PTPRD: variants seen among roughly 807,000 people sequenced by gnomAD.
PTPRD encodes the protein receptor-type tyrosine-protein phosphatase delta.
Under a neutral mutation model 214.5 loss-of-function variants are expected in PTPRD, and 34 were observed. The observed-to-expected ratio is 0.16, with a 90% CI of 0.12 to 0.21. PTPRD has a LOEUF of 0.21. PTPRD is among the 10% of genes least tolerant of loss of function. The pLI is 1.00. For synonymous variants in PTPRD, 1,128 were observed against 845.7 expected (o/e 1.33, Z -5.79); for missense variants, 2,545 against 2,398.7 (o/e 1.06, Z -1.27).
intron 9 of PTPRD, among the ~76,000 whole-genome samples, chr9:9,287,428 A>G (rs926640772): frequency 1.2e-4 from 18 of 152,008 alleles, no homozygotes; most frequent in African/African-American, 4.3e-4. Context: ...AAGTTTGCAG[A>G]TTACCAGATT....
chr9:8,388,324 T>C (rs566146925), intron 37 of PTPRD, among the ~76,000 whole-genome samples: 78 of 152,260 alleles, frequency 5.1e-4, no homozygotes, highest in African/African-American at 1.8e-3. Flanking sequence ...CTTCTAAATA[T>C]CCTTTTTGAG....
At chr9:10,192,830 G>A (rs146355691) in intron 3 of PTPRD, among the ~76,000 whole-genome samples, 1,677 of 152,170 alleles carry the variant, frequency 0.011, 35 homozygotes, top group African/African-American at 0.038. Context: ...AATCACAAGA[G>A]CAAAACGGTA....
chr9:8,965,692 GC>G (rs1052440302), intron 11 of PTPRD, among the ~76,000 whole-genome samples: 3 of 152,048 alleles, frequency 2.0e-5, no homozygotes, highest in African/African-American at 7.2e-5. Context: ...TACCAAATGG[GC>G]AAAAACTGGA....
chr9:10,235,512 G>T (rs1007152058), intron 3 of PTPRD, among the ~76,000 whole-genome samples: 4 of 151,932 alleles, frequency 2.6e-5, no homozygotes, highest in Non-Finnish European at 5.9e-5. Context: ...ACATATTGTG[G>T]ACAGATTTAA....
rs59065058 is a variant in PTPRD, at chr9:9,808,950, A to ATT, written c.-367-42101_-367-42100dup. On this transcript the variant is annotated intron_variant, in intron 5 of 45. Transcript: ENST00000381196. ...AATGCCTGGCTAATTTTTATTTTGT[A>ATT]TTTTTTTTTTTTTTTTGTAGAAACA... Among the ~76,000 whole-genome samples, 396 of 142,324 alleles carry ATT rather than the reference A, an allele frequency of 2.8e-3. 3 individuals carry two copies. The highest frequency in any genetic ancestry group is 9.4e-3 in the African/African-American group (369 of 39,154). 93.4% of individuals were successfully genotyped at this position (142,324 alleles called of 152,430 possible).
intron 8 of PTPRD, among the ~76,000 whole-genome samples, chr9:9,505,016 GGAACTAGTAGTC>G (rs2096537389): frequency 6.6e-6 from 1 of 151,568 alleles, no homozygotes; most frequent in African/African-American, 2.4e-5. Context: ...TAGACTAGCT[GGAACTAGTAGTC>G]AAGGACACTT....
intron 7 of PTPRD, among the ~76,000 whole-genome samples, chr9:9,603,331 C>T (rs1375887638): frequency 6.6e-6 from 1 of 152,114 alleles, no homozygotes; most frequent in East Asian, 1.9e-4. Flanking sequence ...ACAGACTAAA[C>T]AAATTCAATA....
intron 2 of PTPRD, among the ~76,000 whole-genome samples, chr9:10,584,881 A>G (rs1213226265): frequency 1.3e-5 from 2 of 152,206 alleles, no homozygotes; most frequent in Admixed American, 6.5e-5. Context: ...ATTTGATCCC[A>G]TCACTAAAGC....
At chr9:8,421,880 G>C (rs2094389056) in intron 35 of PTPRD, among the ~76,000 whole-genome samples, 1 of 151,168 alleles carries the variant, frequency 6.6e-6, no homozygotes, top group Non-Finnish European at 1.5e-5. Flanking sequence ...GGGCGTGATG[G>C]CTCACACCTG....
At chr9:9,081,663 A>G (rs986943768) in intron 10 of PTPRD, among the ~76,000 whole-genome samples, 3 of 152,026 alleles carry the variant, frequency 2.0e-5, no homozygotes, top group Non-Finnish European at 4.4e-5. Context: ...AACTTGCTTT[A>G]TGAATCTGGG....
intron 3 of PTPRD, among the ~76,000 whole-genome samples, chr9:10,046,523 C>A (rs892087682): frequency 6.6e-6 from 1 of 151,778 alleles, no homozygotes. Context: ...ACATGTCACT[C>A]TGAAAAACAG....
chr9:8,658,198 A>C (rs1488601331), intron 12 of PTPRD, among the ~76,000 whole-genome samples: 3 of 152,212 alleles, frequency 2.0e-5, no homozygotes, highest in African/African-American at 7.2e-5. Flanking sequence ...TGTATAACAG[A>C]TTTTATGGGA....
At chr9:9,196,291 A>G (rs1341631646) in intron 9 of PTPRD, among the ~76,000 whole-genome samples, 2 of 152,242 alleles carry the variant, frequency 1.3e-5, no homozygotes, top group African/African-American at 4.8e-5. Flanking sequence ...CTGATCAAGC[A>G]TGCATATTTG....
chr9:9,683,872 T>C (rs1001833736), intron 7 of PTPRD, among the ~76,000 whole-genome samples: 1 of 151,610 alleles, frequency 6.6e-6, no homozygotes, highest in African/African-American at 2.4e-5. Context: ...TTAGTTCGGG[T>C]TCTAACATAC....
intron 3 of PTPRD, among the ~76,000 whole-genome samples, chr9:10,269,362 TTGAG>T (rs1185065446): frequency 6.6e-6 from 1 of 152,198 alleles, no homozygotes; most frequent in Non-Finnish European, 1.5e-5. Context: ...GTGGTTCCTA[TTGAG>T]TAATATTTTT....
At position 8,489,241 on chromosome 9, in the gene PTPRD, T is replaced by C. The variant is rs149739652; in HGVS notation, c.2468-2892A>G. Among the ~76,000 whole-genome samples, 542 of 152,334 alleles carry C rather than the reference T, an allele frequency of 3.6e-3. 4 individuals are homozygous for C. Among genetic ancestry groups the C allele is most frequent in the Admixed American group, 5.9e-3 (90 of 15,298 alleles). ...CTTCTGTGGGAGTTAAAGCTTAGGA[T>C]GGAGTAATCTCTTTTGTTTTTGATG... On this transcript the variant is annotated intron_variant, in intron 27 of 45. Transcript: ENST00000381196.
intron 5 of PTPRD, among the ~76,000 whole-genome samples, chr9:9,923,109 CTG>C (rs1310520651): frequency 2.4e-5 from 3 of 124,194 alleles, no homozygotes; most frequent in Non-Finnish European, 4.7e-5. Flanking sequence ...AAAAAAAGGA[CTG>C]TGTGTGTGGG....
intron 8 of PTPRD, among the ~76,000 whole-genome samples, chr9:9,520,799 A>C (rs1449063112): frequency 1.3e-5 from 2 of 152,192 alleles, no homozygotes; most frequent in Admixed American, 6.6e-5. Context: ...ATTTCATTAA[A>C]GCAGTCTACG....
At position 9,677,584 on chromosome 9, in the gene PTPRD, T is replaced by C. The variant is rs577590685; in HGVS notation, c.-287+56949A>G. 2.5e-3 allele frequency among the ~76,000 whole-genome samples: 380 copies of C among 152,148 alleles called. 2 individuals are homozygous for C. The highest frequency in any genetic ancestry group is 8.5e-3 in the African/African-American group (354 of 41,528). On this transcript the variant is annotated intron_variant, in intron 7 of 45. Coordinates refer to ENST00000381196, the MANE Select transcript of PTPRD (RefSeq NM_002839.4). ...GGACGTATCTCAAAATAATAAGAGC[T>C]ATCTATGACAAACCCACAGCCAGTA...
Sources: gnomAD v4.1 joint callset for allele counts (sites outside exome capture counted in the v4.1 genomes callset) on GRCh38, gnomAD v4.1.1 for gene constraint, MANE v1.5 for transcripts, NCBI Gene and HGNC (gene_info 2026-07-23, HGNC 2026-07-21) for gene names.